Variants in TCF4 observed in about 807,000 individuals in gnomAD.
The protein encoded by TCF4 is transcription factor 4.
Under a neutral mutation model 82.1 loss-of-function variants are expected in TCF4, and 3 were observed. The ratio of observed to expected loss-of-function variants is 0.04; its 90% CI spans 0.02 to 0.09. TCF4 has a LOEUF of 0.09. TCF4 is among the 10% of genes least tolerant of loss of function. TCF4 has a pLI of 1.00. For synonymous variants in TCF4, 276 were observed against 309.6 expected (o/e 0.89, Z 1.14); for missense variants, 518 against 852.7 (o/e 0.61, Z 4.89).
At chr18:55,538,497 G>A (rs1352512879) in intron 3 of TCF4, among the ~76,000 whole-genome samples, 4 of 152,188 alleles carry the variant, frequency 2.6e-5, no homozygotes, top group Admixed American at 2.0e-4. Flanking sequence ...GTTGGGGCCT[G>A]AGCCAGAAGA....
rs201481787 is a variant in TCF4, at chr18:55,254,629, G to A, written c.1218C>T (p.Gly406=). The change falls in exon 15 of 20, where the codon GGC becomes GGT. Residue 406 remains glycine, a synonymous_variant. Coordinates refer to ENST00000354452, the MANE Select transcript of TCF4 (RefSeq NM_001083962.2). ...GACCACCAGGCATAGCTGTGGATGG[G>A]CCCACTGCATGGTTCCGGAGAACAT... ...AIHVLRNHAV[G]PSTAMPGGHG... is the part of the protein sequence containing the mutation. 29 of 1,613,432 alleles carry A rather than the reference G, an allele frequency of 1.8e-5. No individual in the cohort carries two copies. The East Asian group carries it at 5.6e-4, about 31-fold the overall frequency.
intron 8 of TCF4, chr18:55,284,235 A>AC (rs1215320199): frequency 6.6e-6 from 1 of 151,850 alleles, no homozygotes; most frequent in African/African-American, 2.4e-5. Flanking sequence ...ACATGGTGAA[A>AC]CCCCATCTCC....
intron 3 of TCF4, among the ~76,000 whole-genome samples, chr18:55,582,227 T>C (rs1210865884): frequency 6.6e-6 from 1 of 152,128 alleles, no homozygotes; most frequent in Non-Finnish European, 1.5e-5. Flanking sequence ...TATCCTACTT[T>C]TCAATGAGAA....
intron 1 of TCF4, among the ~76,000 whole-genome samples, chr18:55,635,045 A>G (rs2097734944): frequency 6.6e-6 from 1 of 152,168 alleles, no homozygotes; most frequent in African/African-American, 2.4e-5. Context: ...AGGGCTGGAG[A>G]TGTGGTTTTA....
At chr18:55,580,856 T>C (rs1388813552) in intron 3 of TCF4, among the ~76,000 whole-genome samples, 1 of 151,864 alleles carries the variant, frequency 6.6e-6, no homozygotes, top group Non-Finnish European at 1.5e-5. Context: ...AAGATCCAGT[T>C]GTTTAACATC....
At chr18:55,392,820 T>C (rs2093249143) in intron 6 of TCF4, among the ~76,000 whole-genome samples, 1 of 152,250 alleles carries the variant, frequency 6.6e-6, no homozygotes, top group Non-Finnish European at 1.5e-5. Context: ...TACACATATA[T>C]GTTTCCCATA....
intron 5 of TCF4, among the ~76,000 whole-genome samples, chr18:55,429,708 C>G (rs967259312): frequency 7.5e-5 from 9 of 119,432 alleles, no homozygotes; most frequent in Non-Finnish European, 1.1e-4. Context: ...TTGCGATGAG[C>G]CAAGATGGCA....
At chr18:55,250,902 AT>A in intron 15 of TCF4, among the ~76,000 whole-genome samples, 1 of 152,362 alleles carries the variant, frequency 6.6e-6, no homozygotes, top group Admixed American at 6.5e-5. Context: ...GGCTGTAAGA[AT>A]AGAGAAAAAA....
chr18:55,260,771 G>C (rs1031779322), intron 12 of TCF4, among the ~76,000 whole-genome samples: 1 of 152,082 alleles, frequency 6.6e-6, no homozygotes, highest in African/African-American at 2.4e-5. Context: ...TGTTGGCCAG[G>C]CTAGTCTTGA....
At chr18:55,371,628 T>C (rs1343910760) in intron 6 of TCF4, among the ~76,000 whole-genome samples, 2 of 151,594 alleles carry the variant, frequency 1.3e-5, no homozygotes, top group African/African-American at 2.4e-5. Flanking sequence ...AACTCATGCC[T>C]ACATTTACAG....
chr18:55,362,044 C>T (rs1306394410), intron 6 of TCF4, among the ~76,000 whole-genome samples: 1 of 152,172 alleles, frequency 6.6e-6, no homozygotes, highest in Non-Finnish European at 1.5e-5. Flanking sequence ...CTGAAATTCT[C>T]AATAATCAAC....
chr18:55,247,531 G>T (rs1375396488), intron 15 of TCF4, among the ~76,000 whole-genome samples: 1 of 152,176 alleles, frequency 6.6e-6, no homozygotes, highest in Non-Finnish European at 1.5e-5. Flanking sequence ...GATATTGTTA[G>T]GTGGCCTTAA....
chr18:55,413,126 T>TGG (rs200550010), intron 5 of TCF4, among the ~76,000 whole-genome samples: 1 of 151,742 alleles, frequency 6.6e-6, no homozygotes, highest in Non-Finnish European at 1.5e-5. Context: ...ATCAAAAGAA[T>TGG]GGGGGGGGAC....
intron 3 of TCF4, chr18:55,482,953 T>C (rs2096461666): frequency 6.6e-6 from 1 of 152,236 alleles, no homozygotes; most frequent in Non-Finnish European, 1.5e-5. Context: ...AAGTGTCTTG[T>C]CCTTCTCCTT....
At chr18:55,531,144 G>A (rs2097058844) in intron 3 of TCF4, among the ~76,000 whole-genome samples, 1 of 151,822 alleles carries the variant, frequency 6.6e-6, no homozygotes, top group Admixed American at 6.6e-5. Flanking sequence ...AGTAGAGATG[G>A]GGTTTCACCA....
intron 6 of TCF4, among the ~76,000 whole-genome samples, chr18:55,403,233 A>T (rs936405836): frequency 1.3e-5 from 2 of 152,178 alleles, no homozygotes; most frequent in Non-Finnish European, 2.9e-5. Flanking sequence ...AAAAAATAAA[A>T]ACAAGCCCAT....
chr18:55,564,166 G>T (rs546170425), intron 3 of TCF4, among the ~76,000 whole-genome samples: 2 of 152,180 alleles, frequency 1.3e-5, no homozygotes, highest in Non-Finnish European at 2.9e-5. Context: ...ATGTGCAAAG[G>T]CCCTGAATCA....
intron 5 of TCF4, among the ~76,000 whole-genome samples, chr18:55,455,868 T>C (rs533515442): frequency 1.3e-5 from 2 of 152,366 alleles, no homozygotes; most frequent in South Asian, 4.1e-4. Flanking sequence ...TTTTCCTTTG[T>C]ACATTAAGGC....
At chr18:55,587,568 AC>A (rs1033831229) in intron 1 of TCF4, among the ~76,000 whole-genome samples, 4 of 150,204 alleles carry the variant, frequency 2.7e-5, no homozygotes, top group Non-Finnish European at 5.9e-5. Flanking sequence ...CCCACCCTGC[AC>A]CCCACCCCCC....
Sources: allele counts gnomAD v4.1 joint callset (sites outside exome capture counted in the v4.1 genomes callset), GRCh38; gene constraint gnomAD v4.1.1; transcripts MANE v1.5; gene names NCBI Gene and HGNC (gene_info 2026-07-23, HGNC 2026-07-21).